CSMD1: variants seen among roughly 807,000 people sequenced by gnomAD.
CSMD1 encodes CUB and sushi domain-containing protein 1.
In CSMD1, 213 loss-of-function variants were observed where a neutral mutation model predicts 417.5. That is an observed-to-expected ratio of 0.51 (90% confidence interval 0.46 to 0.57). The LOEUF (loss-of-function observed/expected upper bound fraction) is 0.57. Ranked by LOEUF, CSMD1 falls within the 20% of genes least tolerant of loss-of-function variation. The pLI, the probability that CSMD1 is intolerant of heterozygous loss-of-function variation, is 0.00. For synonymous variants in CSMD1, 2,862 were observed against 1,736.8 expected (o/e 1.65, Z -16.11); for missense variants, 6,923 against 4,529.7 (o/e 1.53, Z -15.17).
At chr8:4,447,302 C>A (rs183261788) in intron 2 of CSMD1, among the ~76,000 whole-genome samples, 2 of 152,130 alleles carry the variant, frequency 1.3e-5, no homozygotes, top group African/African-American at 4.8e-5. Flanking sequence ...AGACCGTGAT[C>A]ATTATTATTA....
In CSMD1 at chr8:4,796,524, C is replaced by T. The variant is rs545096446; in HGVS notation, c.86-158966G>A. ...TGGTCTTTCTCAATGACCTGGGAGCCATCCCTCAGACACGCTCTCAGACTA... is the reference window on the plus strand; with the variant it reads ...TGGTCTTTCTCAATGACCTGGGAGCTATCCCTCAGACACGCTCTCAGACTA... On this transcript the variant is annotated intron_variant, in intron 1 of 69. Coordinates refer to ENST00000635120, the MANE Select transcript of CSMD1 (RefSeq NM_033225.6). 3.9e-5 allele frequency among the ~76,000 whole-genome samples: 6 copies of T among 151,928 alleles called. No individual in the cohort carries two copies. In the East Asian group the frequency reaches 9.8e-4, roughly 25 times the overall value.
chr8:3,525,622 C>G lies in CSMD1; in HGVS notation c.1345-31896G>C, dbSNP rs909691019. 4.9e-4 allele frequency among the ~76,000 whole-genome samples: 74 copies of G among 152,162 alleles called. 2 individuals are homozygous for G. The highest frequency in any genetic ancestry group is 6.5e-4 in the Admixed American group (10 of 15,274). On this transcript the variant is annotated intron_variant, in intron 10 of 69. Coordinates refer to ENST00000635120, the MANE Select transcript of CSMD1 (RefSeq NM_033225.6). Reference sequence around the variant, plus strand: ...TAGGAGGGCATCGTATCTTCAAAACCTCTTGCCTGACATTCTATCAATCTC... The same window carrying G: ...TAGGAGGGCATCGTATCTTCAAAACGTCTTGCCTGACATTCTATCAATCTC...
At chr8:4,304,078 T>G (rs1798123168) in intron 3 of CSMD1, among the ~76,000 whole-genome samples, 1 of 152,170 alleles carries the variant, frequency 6.6e-6, no homozygotes, top group Non-Finnish European at 1.5e-5. Context: ...ATGAAACCCT[T>G]GAAATACCAT....
chr8:4,929,117 C>T (rs977233303), intron 1 of CSMD1, among the ~76,000 whole-genome samples: 8 of 152,076 alleles, frequency 5.3e-5, no homozygotes, highest in Non-Finnish European at 1.2e-4. Context: ...AATTCAGTCC[C>T]ACTGGTGTCT....
intron 3 of CSMD1, among the ~76,000 whole-genome samples, chr8:4,165,199 C>A (rs17069186): frequency 0.013 from 2,011 of 152,256 alleles, 40 homozygotes; most frequent in African/African-American, 0.044. Context: ...ATCAGCAACC[C>A]AAAGAGCTAC....
intron 2 of CSMD1, among the ~76,000 whole-genome samples, chr8:4,490,954 G>T (rs1398444866): frequency 6.6e-6 from 1 of 152,178 alleles, no homozygotes; most frequent in Non-Finnish European, 1.5e-5. Context: ...GAAGAAACAA[G>T]AGAACTGTTA....
intron 1 of CSMD1, among the ~76,000 whole-genome samples, chr8:4,703,382 T>C (rs1182368442): frequency 1.3e-5 from 2 of 152,142 alleles, no homozygotes; most frequent in East Asian, 1.9e-4. Context: ...ACAGAAGAAA[T>C]AGCGATGGAC....
chr8:3,923,688 C>G (rs1809441177), intron 5 of CSMD1, among the ~76,000 whole-genome samples: 1 of 152,094 alleles, frequency 6.6e-6, no homozygotes, highest in African/African-American at 2.4e-5. Context: ...TCTGTAGTCA[C>G]CATGCTGTAC....
chr8:4,786,678 T>C (rs1409879549), intron 1 of CSMD1, among the ~76,000 whole-genome samples: 1 of 152,246 alleles, frequency 6.6e-6, no homozygotes. Context: ...TACAAAATTC[T>C]GTTCTATCTG....
intron 6 of CSMD1, among the ~76,000 whole-genome samples, chr8:3,741,721 T>C (rs1011244596): frequency 6.6e-6 from 1 of 152,064 alleles, no homozygotes; most frequent in East Asian, 2.0e-4. Context: ...TGAGTGCGCA[T>C]TCTTACTGAG....
chr8:3,825,138 G>C lies in CSMD1; in HGVS notation c.819-71096C>G, dbSNP rs910932175. Reference sequence around the variant, plus strand: ...AAATGATTTGAAAGGAAGCACAGGGGAGATTTCTCATTCTCTTTCCCAGAA... The same window carrying C: ...AAATGATTTGAAAGGAAGCACAGGGCAGATTTCTCATTCTCTTTCCCAGAA... On this transcript the variant is annotated intron_variant, in intron 5 of 69. Transcript: ENST00000635120. Among the ~76,000 whole-genome samples, 5 of 152,262 alleles carry C rather than the reference G, an allele frequency of 3.3e-5. No homozygotes were observed. In the East Asian group the frequency reaches 9.7e-4, roughly 29 times the overall value.
At chr8:3,532,855 A>G (rs1470578083) in intron 10 of CSMD1, among the ~76,000 whole-genome samples, 1 of 152,198 alleles carries the variant, frequency 6.6e-6, no homozygotes, top group East Asian at 1.9e-4. Flanking sequence ...TGACCTACAG[A>G]AAATATAATT....
chr8:3,835,823 G>C (rs1050629989), intron 5 of CSMD1, among the ~76,000 whole-genome samples: 3 of 151,840 alleles, frequency 2.0e-5, no homozygotes, highest in African/African-American at 2.4e-5. Context: ...TTCAGTCTAG[G>C]AGTTCTTCTG....
chr8:4,657,282 A>G (rs114547836), intron 1 of CSMD1, among the ~76,000 whole-genome samples: 1 of 152,186 alleles, frequency 6.6e-6, no homozygotes, highest in Non-Finnish European at 1.5e-5. Context: ...AGTTGTAAAA[A>G]GCCTGGCGAA....
At chr8:2,982,498 G>A (rs1387718383) in intron 54 of CSMD1, among the ~76,000 whole-genome samples, 1 of 152,142 alleles carries the variant, frequency 6.6e-6, no homozygotes, top group Non-Finnish European at 1.5e-5. Context: ...CGTACTGATC[G>A]CCTGATGAAG....
chr8:4,165,288 C>G (rs182199971), intron 3 of CSMD1, among the ~76,000 whole-genome samples: 3 of 152,298 alleles, frequency 2.0e-5, no homozygotes, highest in Non-Finnish European at 4.4e-5. Flanking sequence ...TTGATCCACT[C>G]GGTTAAGTTC....
intron 11 of CSMD1, among the ~76,000 whole-genome samples, chr8:3,473,620 C>T (rs941744571): frequency 6.6e-6 from 1 of 152,126 alleles, no homozygotes; most frequent in East Asian, 1.9e-4. Context: ...AATAATAATA[C>T]CTGAAAAATA....
rs1798740287 is a variant in CSMD1, at chr8:3,230,037, T to C, written c.4345+3A>G. 1 of 1,573,884 alleles carries C rather than the reference T, an allele frequency of 6.4e-7. No homozygotes were observed. Among genetic ancestry groups the C allele is most frequent in the Non-Finnish European group, 8.6e-7 (1 of 1,158,478 alleles). ...AAAATTTCTAAGTTCTGTTGTCTGA[T>C]ACCTATGCATGTAGGAGGGTCTGGT... is the stretch of plus-strand genomic sequence containing the variant. On this transcript the variant is annotated splice_donor_region_variant and intron_variant, in intron 27 of 69. Transcript: ENST00000635120.
At chr8:3,009,779 T>G (rs1808240290) in intron 52 of CSMD1, among the ~76,000 whole-genome samples, 1 of 152,152 alleles carries the variant, frequency 6.6e-6, no homozygotes, top group African/African-American at 2.4e-5. Flanking sequence ...TTGCAGAGCA[T>G]ACAACACTCT....
Sources: allele counts gnomAD v4.1 joint callset (sites outside exome capture counted in the v4.1 genomes callset), GRCh38; gene constraint gnomAD v4.1.1; transcripts MANE v1.5; gene names NCBI Gene and HGNC (gene_info 2026-07-23, HGNC 2026-07-21).